Variants in RARB observed in about 807,000 individuals in gnomAD.
The protein encoded by RARB is retinoic acid receptor beta.
In RARB, 17 loss-of-function variants were observed where a neutral mutation model predicts 51.9. That is an observed-to-expected ratio of 0.33 (90% CI 0.22 to 0.49). RARB has a LOEUF of 0.49. Among genes scored for constraint, RARB ranks in the 20% least tolerant of loss-of-function variants. The pLI is 0.99. For synonymous variants in RARB, 215 were observed against 195.4 expected (o/e 1.10, Z -0.84); for missense variants, 369 against 550.8 (o/e 0.67, Z 3.30).
chr3:25,008,973 G>T (rs758747220), intron 2 of RARB, among the ~76,000 whole-genome samples: 3 of 152,094 alleles, frequency 2.0e-5, no homozygotes, highest in Non-Finnish European at 2.9e-5. Flanking sequence ...AATTTTTCAA[G>T]ATCTGAGTGC....
At chr3:25,371,564 A>G (rs1166141913) in intron 5 of RARB, among the ~76,000 whole-genome samples, 1 of 152,240 alleles carries the variant, frequency 6.6e-6, no homozygotes, top group Non-Finnish European at 1.5e-5. Context: ...AGTAGAAAAA[A>G]TATTGCCAAT....
intron 7 of RARB, among the ~76,000 whole-genome samples, chr3:25,595,507 A>C (rs1460637032): frequency 6.6e-6 from 1 of 152,250 alleles, no homozygotes; most frequent in East Asian, 1.9e-4. Context: ...TAAACAGCAG[A>C]TACCAGTGTG....
chr3:24,958,254 G>GGTTTTTT (rs1696060982), intron 2 of RARB, among the ~76,000 whole-genome samples: 2 of 67,408 alleles, frequency 3.0e-5, no homozygotes, highest in Non-Finnish European at 5.3e-5. Flanking sequence ...GAGCTGCTCA[G>GGTTTTTT]GTTTTTTTTT....
chr3:24,860,919 G>C (rs1417588339), intron 2 of RARB, among the ~76,000 whole-genome samples: 1 of 152,128 alleles, frequency 6.6e-6, no homozygotes, highest in African/African-American at 2.4e-5. Context: ...AGGTTTGTTT[G>C]CTAGGAGCAA....
chr3:25,182,781 T>G (rs999177357), intron 5 of RARB, among the ~76,000 whole-genome samples: 10 of 152,220 alleles, frequency 6.6e-5, no homozygotes, highest in African/African-American at 9.6e-5. Flanking sequence ...TTACCCCCAG[T>G]ACCTGTGAAC....
intron 2 of RARB, among the ~76,000 whole-genome samples, chr3:25,462,109 T>A (rs1038839903): frequency 2.0e-5 from 3 of 152,220 alleles, no homozygotes; most frequent in Non-Finnish European, 4.4e-5. Context: ...GAATTACAGT[T>A]TGATTTTCAG....
intron 5 of RARB, among the ~76,000 whole-genome samples, chr3:25,347,864 A>G (rs1204382389): frequency 2.0e-5 from 3 of 152,182 alleles, no homozygotes; most frequent in Non-Finnish European, 4.4e-5. Flanking sequence ...CACTTCCAGC[A>G]CTGGTGATGT....
At chr3:25,577,873 A>G (rs991787752) in intron 4 of RARB, among the ~76,000 whole-genome samples, 1 of 149,670 alleles carries the variant, frequency 6.7e-6, no homozygotes, top group African/African-American at 2.5e-5. Flanking sequence ...CCCTCCATAT[A>G]TGGGCCACCA....
intron 2 of RARB, among the ~76,000 whole-genome samples, chr3:24,933,175 A>C (rs1043463607): frequency 6.6e-6 from 1 of 152,092 alleles, no homozygotes; most frequent in Non-Finnish European, 1.5e-5. Context: ...AAAATATGCA[A>C]ATCCTATAAA....
chr3:25,256,963 G>A (rs751699186), intron 5 of RARB, among the ~76,000 whole-genome samples: 6 of 152,072 alleles, frequency 3.9e-5, no homozygotes, highest in Non-Finnish European at 5.9e-5. Context: ...TGCTTGACAT[G>A]CTTGCCCAAA....
At chr3:25,326,893 G>A (rs1300596821) in intron 5 of RARB, among the ~76,000 whole-genome samples, 1 of 151,790 alleles carries the variant, frequency 6.6e-6, no homozygotes, top group African/African-American at 2.4e-5. Context: ...CAAAGTGCAG[G>A]TTTGTTACAT....
intron 4 of RARB, 50 bp downstream of exon 4, chr3:25,569,968 G>T (rs747965385): frequency 2.0e-6 from 3 of 1,519,522 alleles, no homozygotes; most frequent in Non-Finnish European, 2.7e-6. Context: ...AACCTTGTAC[G>T]TGCATGTGTG....
intron 5 of RARB, among the ~76,000 whole-genome samples, chr3:25,248,284 A>C (rs1004934347): frequency 5.9e-5 from 9 of 152,168 alleles, no homozygotes; most frequent in Non-Finnish European, 1.2e-4. Flanking sequence ...AGTTTCTTGT[A>C]AGCAGCATAT....
At chr3:25,145,807 C>G (rs113067263) in intron 4 of RARB, among the ~76,000 whole-genome samples, 12,821 of 150,298 alleles carry the variant, frequency 0.085, 699 homozygotes, top group Non-Finnish European at 0.13. Context: ...ACCAGCCTGG[C>G]CAACATGGTA....
chr3:25,162,258 C>T (rs1700485604), intron 4 of RARB, among the ~76,000 whole-genome samples: 1 of 152,076 alleles, frequency 6.6e-6, no homozygotes, highest in Admixed American at 6.6e-5. Flanking sequence ...CAAGCACCAC[C>T]ATGCCTGGCT....
At chr3:24,888,147 C>T (rs1703299013) in intron 2 of RARB, among the ~76,000 whole-genome samples, 1 of 152,164 alleles carries the variant, frequency 6.6e-6, no homozygotes. Context: ...CCAGATACAG[C>T]CCTTTTCACA....
intron 5 of RARB, among the ~76,000 whole-genome samples, chr3:25,373,232 C>A (rs2125473462): frequency 6.6e-6 from 1 of 152,040 alleles, no homozygotes; most frequent in African/African-American, 2.4e-5. Flanking sequence ...GTATTTAAAG[C>A]CATCATCAAG....
At chr3:24,937,515 C>T (rs1695570749) in intron 2 of RARB, among the ~76,000 whole-genome samples, 1 of 152,188 alleles carries the variant, frequency 6.6e-6, no homozygotes, top group African/African-American at 2.4e-5. Context: ...AACTGCTTTC[C>T]ATTCCAGATC....
intron 3 of RARB, among the ~76,000 whole-genome samples, chr3:25,518,438 G>A (rs1005732908): frequency 1.3e-5 from 2 of 152,132 alleles, no homozygotes; most frequent in African/African-American, 2.4e-5. Context: ...ACTGGGAGAC[G>A]TCATTTAGGA....
Sources: allele counts gnomAD v4.1 joint callset (sites outside exome capture counted in the v4.1 genomes callset), GRCh38; gene constraint gnomAD v4.1.1; transcripts MANE v1.5; gene names NCBI Gene and HGNC (gene_info 2026-07-23, HGNC 2026-07-21).